The following SH3BGR variants were observed in gnomAD, a reference collection of about 807,000 sequenced individuals.
The protein encoded by SH3BGR is SH3 domain binding glutamate rich protein.
In SH3BGR, 29 loss-of-function variants were observed where a neutral mutation model predicts 24.5. That is an observed-to-expected ratio of 1.18 (90% confidence interval 0.88 to 1.61). The LOEUF (loss-of-function observed/expected upper bound fraction) is 1.61. SH3BGR is among the 40% of genes most tolerant of loss of function. The pLI, the probability that SH3BGR is intolerant of heterozygous loss-of-function variation, is 0.00. For missense variants in SH3BGR, 162 were observed against 205.8 expected (o/e 0.79, Z 1.30); for synonymous variants, 55 against 65.7 (o/e 0.84, Z 0.79).
At chr21:39,510,177 T>C (rs11701337) in intron 5 of SH3BGR, among the ~76,000 whole-genome samples, 64,536 of 146,580 alleles carry the variant, frequency 0.44, 18,737 homozygotes, top group East Asian at 0.69. Flanking sequence ...CTCCTGACCT[T>C]GTGATCCGCC....
At position 39,511,764 on chromosome 21, in the gene SH3BGR, G is replaced by A. The variant is rs1484844188; in HGVS notation, c.520G>A (p.Glu174Lys). ...TAEGEEPGEDEDS is the reference protein window; with the variant it reads ...TAEGEEPGEDKDS ...AGAAGGAGAAGAGCCTGGAGAAGAC[G>A]AAGATTCCTAGGCCTTTTCATGCTT... Residue 174 changes from glutamate to lysine, a missense_variant, in exon 6 of 7, where the codon GAA becomes AAA. Coordinates refer to ENST00000333634, the MANE Select transcript of SH3BGR (RefSeq NM_007341.3). The surrounding 1 kb of genome is among the most constrained non-coding windows in gnomAD (Gnocchi z 4.2). 1.9e-6 allele frequency: 3 copies of A among 1,613,126 alleles called. No individual in the cohort carries two copies. The highest frequency in any genetic ancestry group is 2.5e-6 in the Non-Finnish European group (3 of 1,179,700).
intron 5 of SH3BGR, among the ~76,000 whole-genome samples, chr21:39,510,515 CT>C (rs977341463): frequency 2.0e-5 from 3 of 150,950 alleles, no homozygotes; most frequent in Admixed American, 6.6e-5. Flanking sequence ...TTGTAGTCTC[CT>C]TTTTTTTCAT....
intron 4 of SH3BGR, among the ~76,000 whole-genome samples, chr21:39,505,448 A>G (rs1367577130): frequency 1.3e-5 from 2 of 152,216 alleles, no homozygotes; most frequent in East Asian, 3.9e-4. Flanking sequence ...TAAGAAATTA[A>G]GGTCAATTCA....
At chr21:39,490,305 T>C (rs2078277939) in intron 3 of SH3BGR, among the ~76,000 whole-genome samples, 1 of 152,204 alleles carries the variant, frequency 6.6e-6, no homozygotes, top group Non-Finnish European at 1.5e-5. Context: ...CATGAATTAA[T>C]ACAGCAGAAG....
chr21:39,510,920 T>TATATATATATATATATATATATATATAC (rs2078678661), intron 5 of SH3BGR, among the ~76,000 whole-genome samples: 1 of 137,630 alleles, frequency 7.3e-6, no homozygotes, highest in East Asian at 2.2e-4. Flanking sequence ...TATATATATA[T>TATATATATATATATATATATATATATAC]ATATATATAT....
At chr21:39,479,238 G>A (rs62222762) in intron 3 of SH3BGR, among the ~76,000 whole-genome samples, 48,497 of 144,532 alleles carry the variant, frequency 0.34, 9,066 homozygotes, top group East Asian at 0.56. Context: ...GGTGGTGGTG[G>A]TGGTGGTGGT....
chr21:39,509,489 T>G (rs2123553293), intron 5 of SH3BGR, among the ~76,000 whole-genome samples: 1 of 150,296 alleles, frequency 6.7e-6, no homozygotes, highest in South Asian at 2.1e-4. Context: ...TTTTTTTTTT[T>G]TTTGAGACAG....
chr21:39,487,594 G>A (rs1432950194), intron 3 of SH3BGR, among the ~76,000 whole-genome samples: 2 of 152,170 alleles, frequency 1.3e-5, no homozygotes, highest in African/African-American at 4.8e-5. Context: ...GACAAACATT[G>A]CTCAAAAGAG....
intron 1 of SH3BGR, among the ~76,000 whole-genome samples, chr21:39,456,520 C>T (rs542728350): frequency 1.3e-5 from 2 of 152,140 alleles, no homozygotes; most frequent in African/African-American, 4.8e-5. Context: ...AAAATTCAGC[C>T]GTGAAACTGT....
At chr21:39,471,154 C>T (rs972642997) in intron 2 of SH3BGR, among the ~76,000 whole-genome samples, 3 of 149,538 alleles carry the variant, frequency 2.0e-5, no homozygotes, top group African/African-American at 4.9e-5. Context: ...TCTTCTTCCC[C>T]TCTCTCTGGT....
chr21:39,476,225 G>A (rs754995553), intron 3 of SH3BGR, among the ~76,000 whole-genome samples: 32 of 152,220 alleles, frequency 2.1e-4, no homozygotes, highest in Admixed American at 7.8e-4. Context: ...AGCGTGTGGC[G>A]TCATGGAAGC....
At chr21:39,473,625 C>A (rs527625568) in intron 2 of SH3BGR, among the ~76,000 whole-genome samples, 4 of 152,264 alleles carry the variant, frequency 2.6e-5, no homozygotes, top group African/African-American at 7.2e-5. Flanking sequence ...TGGCTCACGC[C>A]TGTAATCCCA....
At chr21:39,479,366 ATGG>A (rs762384804) in intron 3 of SH3BGR, among the ~76,000 whole-genome samples, 8 of 121,970 alleles carry the variant, frequency 6.6e-5, no homozygotes, top group African/African-American at 2.5e-4. Context: ...GGTGGAGATG[ATGG>A]TGGTGGTGAT....
upstream of SH3BGR, chr21:39,451,818 A>G (rs891966125): frequency 1.4e-6 from 2 of 1,410,732 alleles, no homozygotes; most frequent in Non-Finnish European, 2.0e-6. Flanking sequence ...GTGATAGGGA[A>G]AGGGTCCAGT....
At position 39,458,351 on chromosome 21, in the gene SH3BGR, A is replaced by T. The variant is rs183291158; in HGVS notation, c.46-4024A>T. Among the ~76,000 whole-genome samples the T allele has an allele frequency of 4.4e-3, 670 of 151,784 alleles. 9 individuals carry two copies. The highest frequency in any genetic ancestry group is 0.015 in the African/African-American group (639 of 41,434). ...TTATTTATTATTTTTATTTTTTTTA[A>T]AATTTGAGACAGAGTCTTGCTCTGT... On this transcript the variant is annotated intron_variant, in intron 1 of 6. Transcript: ENST00000333634.
chr21:39,485,939 C>T lies in SH3BGR; in HGVS notation c.312+10724C>T, dbSNP rs555235680. On this transcript the variant is annotated intron_variant, in intron 3 of 6. Transcript: ENST00000333634. The stretch of plus-strand genomic sequence containing the variant: ...TCCTGACCTCGTGATCCGCCCGCCT[C>T]GGCCTCCCAAAGTGCTGGGATTACA... Among the ~76,000 whole-genome samples the T allele has an allele frequency of 5.6e-4, 85 of 152,276 alleles. No homozygotes were observed. In the South Asian group the frequency reaches 0.012, roughly 22 times the overall value.
rs768047234 is a variant in SH3BGR, at chr21:39,475,124, T to A, written c.232-11T>A. ...GCAGTAGTTTTAAACTTTCTTTTTC[T>A]TTGCTTCAAGGATTTTGACTCTTTC... On this transcript the variant is annotated splice_polypyrimidine_tract_variant and intron_variant, in intron 2 of 6. Coordinates refer to ENST00000333634, the MANE Select transcript of SH3BGR (RefSeq NM_007341.3). 3.2e-6 allele frequency: 5 copies of A among 1,577,868 alleles called. No homozygotes were observed. The highest frequency in any genetic ancestry group is 2.2e-5 in the South Asian group (2 of 90,052).
At chr21:39,451,036 G>A (rs2077568579), upstream of SH3BGR, among the ~76,000 whole-genome samples, 1 of 152,056 alleles carries the variant, frequency 6.6e-6, no homozygotes, top group African/African-American at 2.4e-5. Flanking sequence ...ACCCAGACTG[G>A]TCTTGAACTT....
chr21:39,479,512 T>C (rs934729608), intron 3 of SH3BGR, among the ~76,000 whole-genome samples: 1 of 151,624 alleles, frequency 6.6e-6, no homozygotes, highest in African/African-American at 2.4e-5. Flanking sequence ...TGATGGAAAG[T>C]GGGAGATAAA....
Sources: allele counts gnomAD v4.1 joint callset (sites outside exome capture counted in the v4.1 genomes callset), GRCh38; gene constraint gnomAD v4.1.1; non-coding constraint Gnocchi (gnomAD v3.1); transcripts MANE v1.5; gene names NCBI Gene and HGNC (gene_info 2026-07-23, HGNC 2026-07-21).